Variants in SNX8 observed in about 807,000 individuals in gnomAD.
SNX8 encodes the protein sorting nexin-8.
In SNX8, 25 loss-of-function variants were observed where a neutral mutation model predicts 51.6. The observed-to-expected ratio is 0.48, with a 90% confidence interval of 0.35 to 0.68. The LOEUF is 0.68. Among genes scored for constraint, SNX8 ranks in the 30% least tolerant of loss-of-function variants. SNX8 has a pLI of 0.00. For synonymous variants in SNX8, 324 were observed against 277.0 expected, an observed-to-expected ratio of 1.17 and a Z score of -1.68; for missense variants, 695 against 624.0, an observed-to-expected ratio of 1.11 and a Z score of -1.21.
At chr7:2,277,706 C>T (rs1326175701) in intron 2 of SNX8, among the ~76,000 whole-genome samples, 1 of 151,900 alleles carries the variant, frequency 6.6e-6, no homozygotes, top group Non-Finnish European at 1.5e-5. Context: ...ACTTGGGAGG[C>T]TGAGGCAGGA....
upstream of SNX8, chr7:2,314,593 C>G (rs1390049287): frequency 1.1e-5 from 6 of 551,714 alleles, no homozygotes; most frequent in Admixed American, 5.8e-5. Context: ...CTCGCCACGC[C>G]TACAACCCGC....
At chr7:2,347,089 C>T (rs865802559) in intron 1 of SNX8, among the ~76,000 whole-genome samples, 2 of 151,966 alleles carry the variant, frequency 1.3e-5, no homozygotes, top group African/African-American at 4.8e-5. Context: ...CCATGGGAGC[C>T]TGAGGTAGGA....
At chr7:2,345,772 C>T (rs1003810271) in intron 1 of SNX8, among the ~76,000 whole-genome samples, 12 of 151,612 alleles carry the variant, frequency 7.9e-5, no homozygotes, top group African/African-American at 2.7e-4. Context: ...ACTTCTGCAT[C>T]ATTAGAGGAT....
chr7:2,276,419 A>G (rs540760760), intron 2 of SNX8, among the ~76,000 whole-genome samples: 1 of 152,354 alleles, frequency 6.6e-6, no homozygotes, highest in Non-Finnish European at 1.5e-5. Flanking sequence ...CTTTGGTAGC[A>G]GTACTGACAA....
intron 3 of SNX8, among the ~76,000 whole-genome samples, chr7:2,274,301 G>T (rs1364107396): frequency 1.3e-5 from 2 of 152,280 alleles, no homozygotes. Context: ...GATTTCAGAT[G>T]CGGGGAACTG....
chr7:2,300,161 G>A, intron 1 of SNX8, among the ~76,000 whole-genome samples: 1 of 152,158 alleles, frequency 6.6e-6, no homozygotes, highest in East Asian at 1.9e-4. Flanking sequence ...AGTTTTCCAT[G>A]CACAGAAGGC....
At chr7:2,347,914 T>C (rs1779063538) in intron 1 of SNX8, among the ~76,000 whole-genome samples, 1 of 151,904 alleles carries the variant, frequency 6.6e-6, no homozygotes, top group Non-Finnish European at 1.5e-5. Flanking sequence ...AGTGTTGAGA[T>C]TACAGGCGTG....
chr7:2,257,058 C>T, intron 9 of SNX8, 35 bp from the exon 10 acceptor site: 1 of 1,567,414 alleles, frequency 6.4e-7, no homozygotes, highest in Non-Finnish European at 8.7e-7. Flanking sequence ...GCACCCGGCC[C>T]AGCCGGCGAC....
chr7:2,253,595 C>T lies in SNX8; in HGVS notation c.*1461G>A, dbSNP rs1795097492. ...GGCCAGAAGGAAGCAGCCCACCTCA[C>T]AGCAGGAAGGCAGCAGCAGAACCCA... On this transcript the variant is annotated 3_prime_UTR_variant, in exon 11 of 11. Coordinates refer to ENST00000222990, the MANE Select transcript of SNX8 (RefSeq NM_013321.4). 1 of 152,842 alleles carries T rather than the reference C, an allele frequency of 6.5e-6. No individual in the cohort carries two copies. Among genetic ancestry groups the T allele is most frequent in the Admixed American group, 6.5e-5 (1 of 15,300 alleles). The allele number at this position is 152,842 out of a possible 1,614,324, so 9.5% of individuals were successfully genotyped here.
intron 1 of SNX8, among the ~76,000 whole-genome samples, chr7:2,332,635 TCCCAGCTG>T (rs1778756133): frequency 6.6e-6 from 1 of 151,428 alleles, no homozygotes; most frequent in Admixed American, 6.6e-5. Context: ...ACACCTGTAG[TCCCAGCTG>T]GAAGGCTGAG....
chr7:2,307,097 C>A (rs1796559669), intron 1 of SNX8, among the ~76,000 whole-genome samples: 1 of 152,090 alleles, frequency 6.6e-6, no homozygotes, highest in Non-Finnish European at 1.5e-5. Context: ...CAGCAAAGTG[C>A]CTCCTCCCAC....
chr7:2,308,111 A>G (rs1243601873), intron 1 of SNX8, among the ~76,000 whole-genome samples: 2 of 152,134 alleles, frequency 1.3e-5, no homozygotes, highest in Admixed American at 1.3e-4. Flanking sequence ...AAAGACCAGT[A>G]ACAAAACATA....
At chr7:2,277,094 C>T (rs537521103) in intron 2 of SNX8, among the ~76,000 whole-genome samples, 1 of 152,290 alleles carries the variant, frequency 6.6e-6, no homozygotes, top group East Asian at 1.9e-4. Flanking sequence ...TCTGTCTGTG[C>T]GAATCCCACA....
intron 7 of SNX8, among the ~76,000 whole-genome samples, chr7:2,259,250 G>A (rs372354746): frequency 1.3e-5 from 2 of 152,300 alleles, no homozygotes; most frequent in Admixed American, 1.3e-4. Flanking sequence ...AAGCCAGGCC[G>A]ATGGCAGGTA....
At chr7:2,265,248 G>A (rs2115105041) in intron 5 of SNX8, among the ~76,000 whole-genome samples, 1 of 152,306 alleles carries the variant, frequency 6.6e-6, no homozygotes, top group African/African-American at 2.4e-5. Context: ...GCTGAGGCAG[G>A]AGAATGGCAT....
At chr7:2,340,703 A>G (rs1370142007) in intron 1 of SNX8, among the ~76,000 whole-genome samples, 3 of 151,278 alleles carry the variant, frequency 2.0e-5, no homozygotes, top group Non-Finnish European at 4.4e-5. Flanking sequence ...CTAATAATAC[A>G]GAAGTCAGCC....
intron 4 of SNX8, 134 bp from the exon 5 acceptor site, chr7:2,269,773 T>A (rs1459527552): frequency 1.8e-6 from 1 of 543,420 alleles, no homozygotes; most frequent in Non-Finnish European, 3.2e-6. Context: ...GCTTTGACAT[T>A]AGTATTCTGC....
chr7:2,287,436 G>A (rs1293004271), intron 1 of SNX8, among the ~76,000 whole-genome samples: 6 of 151,946 alleles, frequency 3.9e-5, no homozygotes, highest in African/African-American at 4.8e-5. Context: ...AAAATTAGAC[G>A]GGTGTGGTGG....
chr7:2,267,706 G>A (rs1308502210), intron 5 of SNX8, among the ~76,000 whole-genome samples: 7 of 149,556 alleles, frequency 4.7e-5, no homozygotes, highest in African/African-American at 1.7e-4. Flanking sequence ...CCAAAGTGCC[G>A]AGACTGCAGC....
Sources: gnomAD v4.1 joint callset for allele counts (sites outside exome capture counted in the v4.1 genomes callset) on GRCh38, gnomAD v4.1.1 for gene constraint, MANE v1.5 for transcripts, NCBI Gene and HGNC (gene_info 2026-07-23, HGNC 2026-07-21) for gene names.